The following PYGO1 variants were observed in gnomAD, a reference collection of about 807,000 sequenced individuals.
PYGO1 encodes pygopus family PHD finger 1, also known as pygopus homolog 1.
A neutral mutation model predicts 29.5 loss-of-function variants in PYGO1; 6 were observed. The ratio of observed to expected loss-of-function variants is 0.20; its 90% CI spans 0.11 to 0.40. The LOEUF (loss-of-function observed/expected upper bound fraction) is 0.40. Ranked by LOEUF, PYGO1 falls within the 10% of genes least tolerant of loss-of-function variation. PYGO1 has a pLI of 1.00. For synonymous variants in PYGO1, 186 were observed against 180.5 expected (o/e 1.03, Z -0.24); for missense variants, 515 against 514.9 (o/e 1.00, Z 0.00).
At position 55,540,600 on chromosome 15, in the gene PYGO1, T is replaced by C. The variant is rs887687843; in HGVS notation, c.*5423A>G. ...AAATATTGATGTTTCACATACTTCATAGAGTAGCTTAAAACATACCAGCAT... is the reference window on the plus strand; with the variant it reads ...AAATATTGATGTTTCACATACTTCACAGAGTAGCTTAAAACATACCAGCAT... On this transcript the variant is annotated 3_prime_UTR_variant, in exon 3 of 3. Coordinates refer to ENST00000563719, the MANE Select transcript of PYGO1 (RefSeq NM_001367806.1). The C allele has an allele frequency of 1.3e-5, 2 of 152,132 alleles. No individual in the cohort carries two copies. The highest frequency in any genetic ancestry group is 4.8e-5 in the African/African-American group (2 of 41,456). 9.4% of individuals were successfully genotyped at this position (152,132 alleles called of 1,614,324 possible).
chr15:55,585,706 G>A (rs577561305), intron 1 of PYGO1, among the ~76,000 whole-genome samples: 2 of 152,214 alleles, frequency 1.3e-5, no homozygotes, highest in Non-Finnish European at 2.9e-5. Context: ...CTGTGTTCTT[G>A]ACCCACAATA....
In PYGO1 at chr15:55,542,087, CT is replaced by C. The variant is rs1011159314; in HGVS notation, c.*3935del. 2 of 152,138 alleles carry C rather than the reference CT, an allele frequency of 1.3e-5. No individual in the cohort carries two copies. Among genetic ancestry groups the C allele is most frequent in the African/African-American group, 4.8e-5 (2 of 41,416 alleles). The allele number at this position is 152,138 out of a possible 1,614,324, so 9.4% of individuals were successfully genotyped here. A position where few individuals can be genotyped will look rare whatever the true frequency, so the allele number is the denominator to read the frequency against. On this transcript the variant is annotated 3_prime_UTR_variant, in exon 3 of 3. Transcript: ENST00000563719. ...ACACGGCAGAAAGAAATCCAAAACT[CT>C]TGAGAACTCCCTTTTAAAAAATCAT...
At chr15:55,587,623 C>T (rs934408659) in intron 1 of PYGO1, among the ~76,000 whole-genome samples, 1 of 151,736 alleles carries the variant, frequency 6.6e-6, no homozygotes, top group Non-Finnish European at 1.5e-5. Context: ...AACACAAAGT[C>T]GGGAGGCGAG....
In PYGO1 at chr15:55,538,964, T is replaced by C. The variant is rs1361754626; in HGVS notation, c.*7059A>G. On this transcript the variant is annotated 3_prime_UTR_variant, in exon 3 of 3. Transcript: ENST00000563719. The stretch of plus-strand genomic sequence containing the variant: ...TAGGAAACAAACTTACAATACATAT[T>C]ATTCAAGAAAGCCTGCCATACATCA... The C allele has an allele frequency of 1.3e-5, 2 of 152,158 alleles. No homozygotes were observed. Among genetic ancestry groups the C allele is most frequent in the Non-Finnish European group, 2.9e-5 (2 of 68,032 alleles). 9.4% of individuals were successfully genotyped at this position (152,158 alleles called of 1,614,324 possible).
At chr15:55,557,265 C>T (rs2058910473) in intron 1 of PYGO1, among the ~76,000 whole-genome samples, 1 of 152,152 alleles carries the variant, frequency 6.6e-6, no homozygotes, top group African/African-American at 2.4e-5. Context: ...AATTCCTCGA[C>T]ACATACACCC....
intron 1 of PYGO1, among the ~76,000 whole-genome samples, chr15:55,559,673 C>T (rs184017832): frequency 6.6e-6 from 1 of 152,266 alleles, no homozygotes. Flanking sequence ...AGGGACTCCT[C>T]CCTAACTCAT....
chr15:55,586,245 G>A (rs1214654743), intron 1 of PYGO1, among the ~76,000 whole-genome samples: 1 of 152,078 alleles, frequency 6.6e-6, no homozygotes, highest in East Asian at 1.9e-4. Flanking sequence ...GATGACTATT[G>A]CAATCACCTC....
At chr15:55,562,889 G>A (rs1216943124) in intron 1 of PYGO1, among the ~76,000 whole-genome samples, 1 of 152,024 alleles carries the variant, frequency 6.6e-6, no homozygotes, top group African/African-American at 2.4e-5. Context: ...TGCAAGAAAA[G>A]AAAACCAAAA....
At chr15:55,584,305 G>C (rs1220737184) in intron 1 of PYGO1, among the ~76,000 whole-genome samples, 1 of 151,866 alleles carries the variant, frequency 6.6e-6, no homozygotes, top group African/African-American at 2.4e-5. Flanking sequence ...TTTTAGTAGA[G>C]ACAGGTTGTC....
intron 1 of PYGO1, among the ~76,000 whole-genome samples, chr15:55,570,524 TAAAAAAAAA>T: frequency 6.7e-6 from 1 of 148,944 alleles, no homozygotes; most frequent in East Asian, 2.0e-4. Context: ...TTTCATATAC[TAAAAAAAAA>T]AACTGAACAT....
At chr15:55,551,697 C>T (rs2098564542) in intron 1 of PYGO1, among the ~76,000 whole-genome samples, 1 of 151,966 alleles carries the variant, frequency 6.6e-6, no homozygotes, top group Admixed American at 6.6e-5. Context: ...GTCCCAGCTA[C>T]TCAGGAGGCT....
chr15:55,552,356 G>C (rs112459402), intron 1 of PYGO1, among the ~76,000 whole-genome samples: 10,510 of 105,126 alleles, frequency 0.1, 845 homozygotes, highest in East Asian at 0.39. Context: ...GCGAGACTCT[G>C]TCTCCAAAAA....
intron 1 of PYGO1, among the ~76,000 whole-genome samples, chr15:55,558,510 A>G (rs781552017): frequency 2.4e-4 from 36 of 152,302 alleles, no homozygotes; most frequent in Admixed American, 3.9e-4. Flanking sequence ...TAAAGTTCAT[A>G]TGGAACCAAA....
chr15:55,549,034 A>G, intron 1 of PYGO1, 39 bp from the exon 2 acceptor site: 1 of 1,499,710 alleles, frequency 6.7e-7, no homozygotes, highest in Non-Finnish European at 9.1e-7. Context: ...TCCCACTTGT[A>G]AGTGAAGTTA....
rs570446349 is a variant in PYGO1, at chr15:55,539,773, C to T, written c.*6250G>A. 1 of 151,988 alleles carries T rather than the reference C, an allele frequency of 6.6e-6. No individual in the cohort carries two copies. Among genetic ancestry groups the T allele is most frequent in the East Asian group, 1.9e-4 (1 of 5,178 alleles). The allele number at this position is 151,988 out of a possible 1,614,324, so 9.4% of individuals were successfully genotyped here. On this transcript the variant is annotated 3_prime_UTR_variant, in exon 3 of 3. Transcript: ENST00000563719. ...ATCAATCCTATCAATAGTCCACAAT[C>T]AAAAGTACAAAATATACCATAACCA...
chr15:55,568,255 C>T (rs961169676), intron 1 of PYGO1, among the ~76,000 whole-genome samples: 3 of 150,360 alleles, frequency 2.0e-5, no homozygotes, highest in Non-Finnish European at 2.9e-5. Context: ...TTTATTTTAT[C>T]AGTGTTTTTT....
rs149901839 is a variant in PYGO1 at position 55,565,202 on chromosome 15, G to A, written c.50-16207C>T. Among the ~76,000 whole-genome samples, 671 of 152,062 alleles carry A rather than the reference G, an allele frequency of 4.4e-3. 8 individuals are homozygous for A. The highest frequency in any genetic ancestry group is 0.015 in the African/African-American group (641 of 41,472). ...GGGATTAACATTCATGAAATTCACA[G>A]TACTGAGCATTACACAGGGAGGTAC... On this transcript the variant is annotated intron_variant, in intron 1 of 2. Transcript: ENST00000563719.
At chr15:55,579,854 T>C (rs1251364914) in intron 1 of PYGO1, among the ~76,000 whole-genome samples, 1 of 152,250 alleles carries the variant, frequency 6.6e-6, no homozygotes, top group Non-Finnish European at 1.5e-5. Flanking sequence ...ATCATTGAAA[T>C]AACTTTTTCA....
At chr15:55,550,633 G>T (rs1160914979) in intron 1 of PYGO1, among the ~76,000 whole-genome samples, 1 of 152,158 alleles carries the variant, frequency 6.6e-6, no homozygotes, top group Non-Finnish European at 1.5e-5. Flanking sequence ...AGATGTGGAA[G>T]TTCCTTCCTG....
Sources: allele counts gnomAD v4.1 joint callset (sites outside exome capture counted in the v4.1 genomes callset), GRCh38; gene constraint gnomAD v4.1.1; transcripts MANE v1.5; gene names NCBI Gene and HGNC (gene_info 2026-07-23, HGNC 2026-07-21).